Variants in KLHL5 observed in about 807,000 individuals in gnomAD.
The protein encoded by KLHL5 is kelch like family member 5, also known as kelch-like protein 5.
KLHL5 carries 48 observed loss-of-function variants against 77.7 expected under a neutral mutation model. The observed-to-expected ratio is 0.62, with a 90% CI of 0.49 to 0.79. The LOEUF (loss-of-function observed/expected upper bound fraction) is 0.79, where lower values mean the gene tolerates loss of function less well. Among genes scored for constraint, KLHL5 ranks in the 30% least tolerant of loss-of-function variants. The pLI is 0.00. For synonymous variants in KLHL5, 260 were observed against 297.0 expected (o/e 0.88, Z 1.28); for missense variants, 723 against 859.7 (o/e 0.84, Z 1.99).
upstream of KLHL5, among the ~76,000 whole-genome samples, chr4:39,062,071 T>A (rs551819482): frequency 2.6e-5 from 4 of 152,360 alleles, no homozygotes; most frequent in African/African-American, 2.4e-5. Context: ...AATGCTTTTT[T>A]AAAAACTTGT....
chr4:39,067,115 C>A (rs1279099038), intron 1 of KLHL5, among the ~76,000 whole-genome samples: 1 of 152,010 alleles, frequency 6.6e-6, no homozygotes, highest in African/African-American at 2.4e-5. Flanking sequence ...AGTTTCTTAC[C>A]TAATGCCCTT....
chr4:39,114,744 G>T (rs1722714863), intron 9 of KLHL5, among the ~76,000 whole-genome samples: 1 of 152,202 alleles, frequency 6.6e-6, no homozygotes, highest in African/African-American at 2.4e-5. Flanking sequence ...ATCTTAGCAT[G>T]ATGTATCTGC....
chr4:39,086,700 T>C lies in KLHL5; in HGVS notation c.1086T>C (p.Tyr362=), dbSNP rs764975170. 6.2e-7 allele frequency: 1 copy of C among 1,613,942 alleles called. No individual in the cohort carries two copies. The highest frequency in any genetic ancestry group is 8.5e-7 in the Non-Finnish European group (1 of 1,179,876). Residue 362 remains tyrosine (Y), a synonymous_variant, in exon 5 of 11, where the codon TAT becomes TAC. Transcript: ENST00000504108. ...AAGATCTAAGTAAACTTTTGGCTTA[T>C]ATTAGGCTACCTCTTCTTGCACCAC... ...RRKDLSKLLA[Y]IRLPLLAPQF... is the part of the protein sequence containing the mutation.
chr4:39,046,200 T>G (rs1716175721), intron 1 of KLHL5, among the ~76,000 whole-genome samples: 1 of 152,128 alleles, frequency 6.6e-6, no homozygotes, highest in Non-Finnish European at 1.5e-5. Context: ...CATGAAATTG[T>G]AAGAAGATGC....
intron 8 of KLHL5, among the ~76,000 whole-genome samples, chr4:39,110,806 G>T (rs990080759): frequency 2.0e-5 from 3 of 152,030 alleles, no homozygotes; most frequent in Non-Finnish European, 4.4e-5. Context: ...AGTCAGGCAA[G>T]ACCTAAATCT....
At chr4:39,134,001 A>G in the KLHL5 span, 1 of 152,134 alleles carries the variant, frequency 6.6e-6, no homozygotes, top group Admixed American at 6.5e-5. Context: ...AGAATGAGGG[A>G]AAAAACTACA....
In KLHL5 at chr4:39,115,175, G is replaced by T; in HGVS notation, c.1918G>T (p.Asp640Tyr). 1 of 1,608,056 alleles carries T rather than the reference G, an allele frequency of 6.2e-7. No individual in the cohort carries two copies. Among genetic ancestry groups the T allele is most frequent in the Non-Finnish European group, 8.5e-7 (1 of 1,178,588 alleles). Residue 640 changes from aspartate to tyrosine, a missense_variant, in exon 10 of 11, where the codon GAC becomes TAC. Asp to Tyr is a radical substitution (Grantham distance 160, BLOSUM62 -3). Around this residue, in one of 3 missense-constraint regions of KLHL5, gnomAD observed 214 missense variants for 237.4 expected, o/e 0.90. Transcript: ENST00000504108. ...DCVERYDPKT[D>Y]MWTAVASMSI... ...TTCTTACAGATATGATCCCAAAACA[G>T]ACATGTGGACTGCAGTAGCATCCAT...
At chr4:39,094,269 T>C (rs796327890) in intron 5 of KLHL5, among the ~76,000 whole-genome samples, 37 of 151,766 alleles carry the variant, frequency 2.4e-4, no homozygotes, top group African/African-American at 7.5e-4. Flanking sequence ...AAATAAACTT[T>C]TAAAACCCAT....
At position 39,082,113 on chromosome 4, in the gene KLHL5, C is replaced by T; in HGVS notation, c.854C>T (p.Ala285Val). The change falls in exon 4 of 11, where the codon GCC (alanine) becomes GTC (valine). Residue 285 changes from alanine to valine, a missense_variant. By Grantham distance (64) the Ala-to-Val change is moderately conservative. Coordinates refer to ENST00000504108, the MANE Select transcript of KLHL5 (RefSeq NM_015990.5). ...CTTGGAATTCGTTCTTTTGCTGATG[C>T]CCAAGGTTGTACAGATTTGCATAAA... Reference protein sequence around the residue: ...NCLGIRSFADAQGCTDLHKVA... With the variant: ...NCLGIRSFADVQGCTDLHKVA... 1 of 1,612,570 alleles carries T rather than the reference C, an allele frequency of 6.2e-7. No individual in the cohort carries two copies. The highest frequency in any genetic ancestry group is 2.2e-5 in the East Asian group (1 of 44,872).
chr4:39,078,172 G>A (rs1295342127), intron 2 of KLHL5, among the ~76,000 whole-genome samples: 4 of 152,108 alleles, frequency 2.6e-5, no homozygotes, highest in African/African-American at 9.7e-5. Context: ...TGGATCACGA[G>A]GTCAGAAGTT....
chr4:39,138,181 G>C, the KLHL5 span, among the ~76,000 whole-genome samples: 1 of 152,236 alleles, frequency 6.6e-6, no homozygotes, highest in African/African-American at 2.4e-5. Flanking sequence ...AGCCATTGTG[G>C]AAGATGGTGT....
At chr4:39,127,830 G>A (rs188797131), downstream of KLHL5, among the ~76,000 whole-genome samples, 3 of 152,252 alleles carry the variant, frequency 2.0e-5, no homozygotes, top group Admixed American at 1.3e-4. Context: ...AGGTTAGGGA[G>A]AAGCTGTCAT....
At chr4:39,082,661 A>G (rs776028823) in intron 4 of KLHL5, among the ~76,000 whole-genome samples, 6 of 152,244 alleles carry the variant, frequency 3.9e-5, no homozygotes, top group Non-Finnish European at 8.8e-5. Context: ...TCAATAAATC[A>G]TAGAAGAGGT....
chr4:39,053,624 C>G (rs1055773692), intron 1 of KLHL5, among the ~76,000 whole-genome samples: 1 of 151,744 alleles, frequency 6.6e-6, no homozygotes, highest in Non-Finnish European at 1.5e-5. Flanking sequence ...TTAACACTGA[C>G]AAAAATCTAA....
chr4:39,062,354 ATGGG>A lies in KLHL5; in HGVS notation c.-298_-295del. On this transcript the variant is annotated 5_prime_UTR_variant, in exon 1 of 11. An upstream start codon of the reference 5' UTR is lost. Transcript: ENST00000504108. ...GTGTTTGTGAGACCTAATGGTCAGT[ATGGG>A]AAAGGAGAGCCGGGAAAGTGGTCTA... 7.0e-6 allele frequency: 10 copies of A among 1,433,250 alleles called. No individual in the cohort carries two copies. The Admixed American group carries it at 8.7e-5, about 12-fold the overall frequency. 88.8% of individuals were successfully genotyped at this position (1,433,250 alleles called of 1,614,324 possible).
chr4:39,130,136 CAG>C (rs1310826419), downstream of KLHL5, among the ~76,000 whole-genome samples: 1 of 152,128 alleles, frequency 6.6e-6, no homozygotes, highest in East Asian at 1.9e-4. Flanking sequence ...AGTGGGAAAT[CAG>C]GGGTCTCACA....
chr4:39,059,154 C>T (rs1175264826), upstream of KLHL5, among the ~76,000 whole-genome samples: 1 of 150,988 alleles, frequency 6.6e-6, no homozygotes, highest in Non-Finnish European at 1.5e-5. Flanking sequence ...TGAAAGTTGT[C>T]GGAACAGAAA....
At chr4:39,113,350 A>T (rs1395375642) in intron 9 of KLHL5, 118 bp downstream of exon 9, 2 of 784,106 alleles carry the variant, frequency 2.6e-6, no homozygotes, top group Non-Finnish European at 2.0e-6. Context: ...TCAAAAATGC[A>T]AAGCAACTTC....
chr4:39,095,066 T>C (rs1003506490), intron 5 of KLHL5, among the ~76,000 whole-genome samples: 1 of 151,994 alleles, frequency 6.6e-6, no homozygotes, highest in African/African-American at 2.4e-5. Flanking sequence ...AGACAAATGA[T>C]TAAAAATCTA....
Sources: allele counts gnomAD v4.1 joint callset (sites outside exome capture counted in the v4.1 genomes callset), GRCh38; gene constraint gnomAD v4.1.1; regional missense constraint gnomAD v4.1.1; transcripts MANE v1.5; gene names NCBI Gene and HGNC (gene_info 2026-07-23, HGNC 2026-07-21).